Variants in AATF observed in about 807,000 individuals in gnomAD.
AATF encodes the protein apoptosis antagonizing transcription factor, also known as protein AATF.
A neutral mutation model predicts 63.7 loss-of-function variants in AATF; 48 were observed. The observed-to-expected ratio is 0.75, with a 90% CI of 0.60 to 0.96. The LOEUF (loss-of-function observed/expected upper bound fraction) is 0.96. AATF is among the 40% of genes least tolerant of loss of function. The probability of loss-of-function intolerance (pLI) is 0.00; values close to 1 mark genes in which losing one functional copy is unlikely to be tolerated. For synonymous variants in AATF, 258 were observed against 247.7 expected (o/e 1.04, Z -0.39); for missense variants, 639 against 685.7 (o/e 0.93, Z 0.76).
chr17:37,007,791 G>C (rs1051982200), intron 8 of AATF, among the ~76,000 whole-genome samples: 2 of 152,156 alleles, frequency 1.3e-5, no homozygotes, highest in Admixed American at 6.6e-5. Flanking sequence ...TAGATACTCT[G>C]AGGTTGGAAG....
chr17:36,989,751 A>G (rs2071198886), intron 7 of AATF, among the ~76,000 whole-genome samples: 1 of 152,192 alleles, frequency 6.6e-6, no homozygotes, highest in African/African-American at 2.4e-5. Flanking sequence ...TTTAGGCTCA[A>G]CGTTTGCCAT....
intron 4 of AATF, among the ~76,000 whole-genome samples, chr17:36,975,774 G>C (rs1012792918): frequency 5.3e-5 from 8 of 152,220 alleles, no homozygotes; most frequent in Admixed American, 1.3e-4. Context: ...AAACTCATCA[G>C]TTGTGTACGC....
At chr17:36,986,946 A>G (rs563735637) in intron 5 of AATF, among the ~76,000 whole-genome samples, 1 of 152,172 alleles carries the variant, frequency 6.6e-6, no homozygotes, top group Non-Finnish European at 1.5e-5. Flanking sequence ...GGTCTTAGAC[A>G]AAGGCTTGCC....
At chr17:36,954,043 T>C in intron 4 of AATF, 136 bp downstream of exon 4, 11 of 605,514 alleles carry the variant, frequency 1.8e-5, no homozygotes, top group South Asian at 2.4e-5. Context: ...CCCCTCCCCA[T>C]CCCCCTTGGC....
intron 8 of AATF, among the ~76,000 whole-genome samples, chr17:37,009,592 T>C (rs1043609745): frequency 1.4e-5 from 2 of 139,764 alleles, no homozygotes; most frequent in Admixed American, 7.0e-5. Context: ...CCGAGGCGGG[T>C]GGATCATGAG....
intron 9 of AATF, among the ~76,000 whole-genome samples, chr17:37,019,318 T>A (rs73985335): frequency 1.3e-5 from 2 of 152,244 alleles, no homozygotes; most frequent in Non-Finnish European, 2.9e-5. Context: ...TTTCTTATGC[T>A]CTTTGCTCCC....
chr17:36,959,982 A>G (rs957675853), intron 4 of AATF, among the ~76,000 whole-genome samples: 3 of 151,910 alleles, frequency 2.0e-5, no homozygotes, highest in Admixed American at 6.6e-5. Context: ...TCCTTGCCCA[A>G]AAGCCCCAAT....
At chr17:36,969,770 C>T (rs1179726123) in intron 4 of AATF, among the ~76,000 whole-genome samples, 2 of 152,210 alleles carry the variant, frequency 1.3e-5, no homozygotes, top group African/African-American at 2.4e-5. Flanking sequence ...TATTCCTCAT[C>T]CCCAGAAGTT....
chr17:36,954,892 T>G (rs530082838), intron 4 of AATF, among the ~76,000 whole-genome samples: 59 of 152,030 alleles, frequency 3.9e-4, no homozygotes, highest in African/African-American at 1.4e-3. Flanking sequence ...TTAGGGTGAG[T>G]GTGCTGTGTT....
chr17:36,991,972 A>G (rs1305305823), intron 8 of AATF, among the ~76,000 whole-genome samples: 1 of 152,186 alleles, frequency 6.6e-6, no homozygotes, highest in East Asian at 1.9e-4. Flanking sequence ...CAGCAGTGAT[A>G]TACCAGTTAT....
chr17:36,999,318 A>G (rs1322875195), intron 8 of AATF: 1 of 152,150 alleles, frequency 6.6e-6, no homozygotes, highest in South Asian at 2.1e-4. Flanking sequence ...TTGAGTATCT[A>G]CTGTGTATTT....
At position 36,948,984 on chromosome 17, in the gene AATF, G is replaced by A. The variant is rs902372951; in HGVS notation, c.-142G>A. ...TCCCGGAAGTGGCCGGTCCAGAGCT[G>A]TGGGGTGGCCTCCGCGCGGTCTCTG... On this transcript the variant is annotated 5_prime_UTR_variant, in exon 1 of 12. In the 5' UTR this introduces an upstream ATG that the reference lacks. Transcript: ENST00000619387. 1.9e-4 allele frequency: 145 copies of A among 756,584 alleles called. No homozygotes were observed. The highest frequency in any genetic ancestry group is 3.0e-4 in the Non-Finnish European group (141 of 464,896). 46.9% of individuals were successfully genotyped at this position (756,584 alleles called of 1,614,324 possible).
At chr17:37,019,112 T>A in intron 9 of AATF, 40 bp downstream of exon 9, 1 of 1,540,174 alleles carries the variant, frequency 6.5e-7, no homozygotes, top group Non-Finnish European at 9.0e-7. Context: ...AAGCAGCCTA[T>A]GTAATAGTTT....
chr17:36,998,948 C>T (rs1025939749), intron 8 of AATF: 2 of 152,222 alleles, frequency 1.3e-5, no homozygotes, highest in Non-Finnish European at 2.9e-5. Flanking sequence ...CTAGGGTTCT[C>T]ACAAACATGC....
chr17:37,021,821 A>T lies in AATF; in HGVS notation c.1547+807A>T, dbSNP rs867958880. ...CTCCGTCTCAAAAAAAAAAAAAAAA[A>T]TAATAATAATAATAATAATAAATAT... On this transcript the variant is annotated intron_variant, in intron 10 of 11. Coordinates refer to ENST00000619387, the MANE Select transcript of AATF (RefSeq NM_012138.4). Among the ~76,000 whole-genome samples, 17 of 94,176 alleles carry T rather than the reference A, an allele frequency of 1.8e-4. 1 individual carries two copies. In the South Asian group the frequency reaches 2.0e-3, roughly 11 times the overall value. The allele number at this position is 94,176 out of a possible 152,430, so 61.8% of individuals were successfully genotyped here. A position where few individuals can be genotyped will look rare whatever the true frequency, so the allele number is the denominator to read the frequency against.
chr17:36,964,170 C>CTTT lies in AATF; in HGVS notation c.832+10281_832+10283dup, dbSNP rs36064518. Among the ~76,000 whole-genome samples, 84 of 101,372 alleles carry CTTT rather than the reference C, an allele frequency of 8.3e-4. 2 individuals are homozygous for CTTT. The highest frequency in any genetic ancestry group is 3.2e-3 in the African/African-American group (79 of 24,948). The allele number at this position is 101,372 out of a possible 152,430, so 66.5% of individuals were successfully genotyped here. A position where few individuals can be genotyped will look rare whatever the true frequency, so the allele number is the denominator to read the frequency against. On this transcript the variant is annotated intron_variant, in intron 4 of 11. Transcript: ENST00000619387. ...ATGTGGTCAAAAGAGGGGTGTTTTG[C>CTTT]TTTTTTTTTTTTTTTTTTTTAAGGT...
chr17:37,042,729 TTTTC>T (rs1453751245), intron 11 of AATF, among the ~76,000 whole-genome samples: 5 of 150,386 alleles, frequency 3.3e-5, no homozygotes, highest in African/African-American at 7.3e-5. Flanking sequence ...CCTTTTAATT[TTTTC>T]TTTCTTTTTT....
chr17:36,973,899 T>C (rs1431346356), intron 4 of AATF, among the ~76,000 whole-genome samples: 1 of 152,054 alleles, frequency 6.6e-6, no homozygotes, highest in African/African-American at 2.4e-5. Flanking sequence ...GGTGAAACCC[T>C]GTCTCTACTA....
At chr17:37,044,269 T>C (rs2071670143) in intron 11 of AATF, among the ~76,000 whole-genome samples, 1 of 152,208 alleles carries the variant, frequency 6.6e-6, no homozygotes, top group Non-Finnish European at 1.5e-5. Context: ...CCAGGTTGTT[T>C]CCTAATTATT....
Sources: gnomAD v4.1 joint callset for allele counts (sites outside exome capture counted in the v4.1 genomes callset) on GRCh38, gnomAD v4.1.1 for gene constraint, MANE v1.5 for transcripts, NCBI Gene and HGNC (gene_info 2026-07-23, HGNC 2026-07-21) for gene names.